PDGFRB: variants seen among roughly 807,000 people sequenced by gnomAD.
PDGFRB encodes platelet derived growth factor receptor beta, also known as platelet-derived growth factor receptor beta.
PDGFRB carries 42 observed loss-of-function variants against 120.2 expected under a neutral mutation model. The ratio of observed to expected loss-of-function variants is 0.35; its 90% CI spans 0.27 to 0.45. The LOEUF (loss-of-function observed/expected upper bound fraction) is 0.45, where lower values mean the gene tolerates loss of function less well. Ranked by LOEUF, PDGFRB falls within the 20% of genes least tolerant of loss-of-function variation. The pLI is 1.00. For synonymous variants in PDGFRB, 586 were observed against 606.8 expected (o/e 0.97, Z 0.50); for missense variants, 1,149 against 1,476.3 (o/e 0.78, Z 3.63).
chr5:150,126,564 G>A lies in PDGFRB; in HGVS notation c.1630C>T (p.Leu544Phe), dbSNP rs2113898287. The A allele has an allele frequency of 6.2e-7, 1 of 1,610,316 alleles. No individual in the cohort carries two copies. The highest frequency in any genetic ancestry group is 8.5e-7 in the Non-Finnish European group (1 of 1,176,632). Reference sequence around the variant, plus strand: ...AGGATGATAAGGGAGATGATGGTGAGCACCACCAGGGCCAGGATGGCTGAG... The same window carrying A: ...AGGATGATAAGGGAGATGATGGTGAACACCACCAGGGCCAGGATGGCTGAG... ...VISAILALVVLTIISLIILIM... is the reference protein window; with the variant it reads ...VISAILALVVFTIISLIILIM... The change falls in exon 11 of 23, where the codon CTC (leucine) becomes TTC (phenylalanine). Residue 544 changes from leucine (L) to phenylalanine (F), a missense_variant. This residue lies in a region of PDGFRB where 879 missense variants were observed against 1,108.6 expected (regional missense o/e 0.79). Coordinates refer to ENST00000261799, the MANE Select transcript of PDGFRB (RefSeq NM_002609.4).
Position 150,132,141 on chromosome 5 carries a change from G to A in PDGFRB, c.1128-47C>T. 1 of 1,001,096 alleles carries A rather than the reference G, an allele frequency of 1.0e-6. No individual in the cohort carries two copies. Among genetic ancestry groups the A allele is most frequent in the East Asian group, 2.4e-5 (1 of 41,568 alleles). The allele number at this position is 1,001,096 out of a possible 1,614,324, so 62.0% of individuals were successfully genotyped here. A position where few individuals can be genotyped will look rare whatever the true frequency, so the allele number is the denominator to read the frequency against. On this transcript the variant is annotated intron_variant, in intron 7 of 22. Coordinates refer to ENST00000261799, the MANE Select transcript of PDGFRB (RefSeq NM_002609.4). This position sits in a 1 kb window ranked among gnomAD's most constrained non-coding sequence, Gnocchi z 5.0. ...TGTCAGAGTCGGAAGGACTCTTACA[G>A]TTCTCCCCACCCTCCTGGTATAAAG...
chr5:150,136,093 C>T (rs1434932892), intron 2 of PDGFRB, among the ~76,000 whole-genome samples: 1 of 152,210 alleles, frequency 6.6e-6, no homozygotes, highest in Non-Finnish European at 1.5e-5. Context: ...CTGTCAGTCC[C>T]GTTAGACCCC....
chr5:150,117,504 C>G (rs948113003), intron 22 of PDGFRB, 114 bp downstream of exon 22: 1 of 647,300 alleles, frequency 1.5e-6, no homozygotes, highest in Non-Finnish European at 2.8e-6. Context: ...CCCTACGTAA[C>G]TTACCTCTGA....
intron 1 of PDGFRB, among the ~76,000 whole-genome samples, chr5:150,140,571 A>AC (rs1381910821): frequency 2.0e-5 from 3 of 152,250 alleles, no homozygotes; most frequent in African/African-American, 4.8e-5. Flanking sequence ...ACTCAGAGGG[A>AC]CCCCTTAGGG....
In PDGFRB at chr5:150,115,898, G is replaced by T. The variant is rs760292775; in HGVS notation, c.3186C>A (p.Ser1062Arg). ...VNTSSTISCDSPLEPQDEPEP... is the reference protein window; with the variant it reads ...VNTSSTISCDRPLEPQDEPEP... ...CTGGTTCGTCCTGGGGCTCCAGGGG[G>T]CTGTCACAGGAGATGGTTGAGGAGG... is the stretch of plus-strand genomic sequence containing the variant. The change falls in exon 23 of 23, where the codon AGC becomes AGA. Residue 1062 changes from serine to arginine, a missense_variant. Ser to Arg is a moderately radical substitution (Grantham distance 110). Coordinates refer to ENST00000261799, the MANE Select transcript of PDGFRB (RefSeq NM_002609.4). 3 of 1,603,546 alleles carry T rather than the reference G, an allele frequency of 1.9e-6. No individual in the cohort carries two copies. Among genetic ancestry groups the T allele is most frequent in the South Asian group, 1.1e-5 (1 of 89,492 alleles).
chr5:150,152,940 G>A (rs531070530), intron 1 of PDGFRB, among the ~76,000 whole-genome samples: 1 of 152,338 alleles, frequency 6.6e-6, no homozygotes, highest in African/African-American at 2.4e-5. Context: ...GAGGCCCAGA[G>A]AGGCAAGGTG....
At chr5:150,117,531 C>CGA (rs1759979734) in intron 22 of PDGFRB, 87 bp downstream of exon 22, 5 of 573,402 alleles carry the variant, frequency 8.7e-6, no homozygotes, top group South Asian at 2.1e-5. Flanking sequence ...CCTGGCAGCG[C>CGA]GCGCGCGCGC....
At chr5:150,148,694 C>G (rs1760990449) in intron 1 of PDGFRB, among the ~76,000 whole-genome samples, 1 of 152,242 alleles carries the variant, frequency 6.6e-6, no homozygotes. Context: ...TTTTCCATTT[C>G]TGGGAGGGCC....
intron 2 of PDGFRB, 108 bp downstream of exon 2, chr5:150,136,900 G>T: frequency 1.2e-6 from 1 of 817,772 alleles, no homozygotes; most frequent in Non-Finnish European, 2.1e-6. Flanking sequence ...GGGCAGGGCA[G>T]TGTGCCTGGT....
chr5:150,131,442 T>A lies in PDGFRB; in HGVS notation c.1243+537A>T, dbSNP rs559890172. On this transcript the variant is annotated intron_variant, in intron 8 of 22. Coordinates refer to ENST00000261799, the MANE Select transcript of PDGFRB (RefSeq NM_002609.4). Reference sequence around the variant, plus strand: ...CACTTCCTCAGCCCTGATCACTGTATCAAAAATGCAACTCACACCATCACT... The same window carrying A: ...CACTTCCTCAGCCCTGATCACTGTAACAAAAATGCAACTCACACCATCACT... Among the ~76,000 whole-genome samples the A allele has an allele frequency of 2.0e-5, 3 of 152,292 alleles. No homozygotes were observed. The East Asian group carries it at 5.8e-4, about 29-fold the overall frequency.
Position 150,133,905 on chromosome 5 carries a change from G to A in PDGFRB, c.735C>T (p.Phe245=), listed in dbSNP as rs765554311. The A allele has an allele frequency of 7.4e-6, 12 of 1,613,960 alleles. No individual in the cohort carries two copies. Among genetic ancestry groups the A allele is most frequent in the South Asian group, 3.3e-5 (3 of 91,086 alleles). ...CIVIGNEVVN[F]EWTYPRKESG... Reference sequence around the variant, plus strand: ...CTTCTTTGCGGGGGTATGTCCACTCGAAGTTGACCACCTCATTCCCGATCA... The same window carrying A: ...CTTCTTTGCGGGGGTATGTCCACTCAAAGTTGACCACCTCATTCCCGATCA... Residue 245 remains phenylalanine, a synonymous_variant, in exon 5 of 23, where the codon TTC becomes TTT. Coordinates refer to ENST00000261799, the MANE Select transcript of PDGFRB (RefSeq NM_002609.4).
Position 150,135,855 on chromosome 5 carries a change from G to T in PDGFRB, c.64C>A (p.Leu22Met). ...LKGELLLLSL[L>M]LLLEPQISQG... ...GAGATCTGTGGTTCCAGAAGTAACA[G>T]GAGAGACAGCAACAGCAGCTCGCCT... The change falls in exon 3 of 23, where the codon CTG (leucine) becomes ATG (methionine). Residue 22 changes from leucine (L) to methionine (M), a missense_variant. Physicochemically the swap from Leu to Met is conservative, Grantham distance 15. Coordinates refer to ENST00000261799, the MANE Select transcript of PDGFRB (RefSeq NM_002609.4). The T allele has an allele frequency of 2.0e-6, 3 of 1,531,408 alleles. No homozygotes were observed. Among genetic ancestry groups the T allele is most frequent in the Non-Finnish European group, 2.6e-6 (3 of 1,140,554 alleles). 94.9% of individuals were successfully genotyped at this position (1,531,408 alleles called of 1,614,324 possible).
chr5:150,136,970 G>T, intron 2 of PDGFRB, 38 bp downstream of exon 2: 3 of 1,566,970 alleles, frequency 1.9e-6, no homozygotes, highest in Non-Finnish European at 2.6e-6. Flanking sequence ...CCACTCCGCA[G>T]CCCCCCGGGT....
At chr5:150,152,005 T>C (rs1489296322) in intron 1 of PDGFRB, among the ~76,000 whole-genome samples, 2 of 152,032 alleles carry the variant, frequency 1.3e-5, no homozygotes, top group Non-Finnish European at 2.9e-5. Flanking sequence ...CCTCCTGGAT[T>C]CAAGCAATTC....
chr5:150,141,428 C>T (rs1387552049), intron 1 of PDGFRB, among the ~76,000 whole-genome samples: 1 of 152,224 alleles, frequency 6.6e-6, no homozygotes, highest in African/African-American at 2.4e-5. Context: ...GAGGTAGATA[C>T]AGTGATCATT....
rs1487109524 is a variant in PDGFRB at position 150,139,660 on chromosome 5, G to A, written c.-6-2607C>T. 2.6e-5 allele frequency among the ~76,000 whole-genome samples: 4 copies of A among 151,438 alleles called. No individual in the cohort carries two copies. The South Asian group carries it at 6.3e-4, about 24-fold the overall frequency. On this transcript the variant is annotated intron_variant, in intron 1 of 22. Coordinates refer to ENST00000261799, the MANE Select transcript of PDGFRB (RefSeq NM_002609.4). ...TTTGACAAGTTGTTTCCCTCTCTGGGCCTCAGTTTCCCCATCTATACAATT... is the reference window on the plus strand; with the variant it reads ...TTTGACAAGTTGTTTCCCTCTCTGGACCTCAGTTTCCCCATCTATACAATT...
intron 1 of PDGFRB, among the ~76,000 whole-genome samples, chr5:150,139,389 C>T (rs575965605): frequency 6.6e-5 from 10 of 152,138 alleles, no homozygotes; most frequent in Non-Finnish European, 1.2e-4. Context: ...GCGTCCCCAT[C>T]CATATAGAGA....
At chr5:150,148,190 T>C (rs989122055) in intron 1 of PDGFRB, among the ~76,000 whole-genome samples, 5 of 152,212 alleles carry the variant, frequency 3.3e-5, no homozygotes, top group Non-Finnish European at 1.5e-5. Flanking sequence ...CCACTGTCTG[T>C]CAATTACTTC....
chr5:150,136,462 C>T (rs1308400101), intron 2 of PDGFRB, among the ~76,000 whole-genome samples: 2 of 152,206 alleles, frequency 1.3e-5, no homozygotes, highest in South Asian at 2.1e-4. Context: ...CAGGCCACGC[C>T]CTCCATGCCC....
Sources: allele counts gnomAD v4.1 joint callset (sites outside exome capture counted in the v4.1 genomes callset), GRCh38; gene constraint gnomAD v4.1.1; regional missense constraint gnomAD v4.1.1; non-coding constraint Gnocchi (gnomAD v3.1); transcripts MANE v1.5; gene names NCBI Gene and HGNC (gene_info 2026-07-23, HGNC 2026-07-21).